TJP1: variants seen among roughly 807,000 people sequenced by gnomAD.
TJP1 encodes tight junction protein ZO-1.
TJP1 carries 43 observed loss-of-function variants against 194.2 expected under a neutral mutation model. That is an observed-to-expected ratio of 0.22 (90% confidence interval 0.17 to 0.29). The LOEUF is 0.29. Among genes scored for constraint, TJP1 ranks in the 10% least tolerant of loss-of-function variants. TJP1 has a pLI of 1.00. For missense variants in TJP1, 1,971 were observed against 2,185.7 expected (o/e 0.90, Z 1.96); for synonymous variants, 801 against 779.0 (o/e 1.03, Z -0.47).
intron 1 of TJP1, among the ~76,000 whole-genome samples, chr15:29,966,856 C>T (rs188048673): frequency 2.6e-5 from 4 of 152,190 alleles, no homozygotes; most frequent in Admixed American, 2.0e-4. Context: ...CCCCCACATA[C>T]CATCAATCTG....
chr15:29,833,636 G>C (rs1054168573), intron 2 of TJP1, among the ~76,000 whole-genome samples: 1 of 151,478 alleles, frequency 6.6e-6, no homozygotes, highest in African/African-American at 2.4e-5. Context: ...CAAGTGACCT[G>C]CCTGCTCTAA....
At chr15:29,764,052 G>C (rs1241825530) in intron 5 of TJP1, among the ~76,000 whole-genome samples, 3 of 152,118 alleles carry the variant, frequency 2.0e-5, no homozygotes, top group Admixed American at 1.3e-4. Flanking sequence ...ATTTCTTGGG[G>C]TATATATGAA....
At chr15:29,926,666 C>T (rs141806573) in intron 2 of TJP1, among the ~76,000 whole-genome samples, 26 of 151,196 alleles carry the variant, frequency 1.7e-4, no homozygotes, top group Non-Finnish European at 2.7e-4. Flanking sequence ...ATATGTGTGA[C>T]GGACAATGAC....
chr15:29,840,673 G>T (rs1596081486), intron 2 of TJP1, among the ~76,000 whole-genome samples: 1 of 152,136 alleles, frequency 6.6e-6, no homozygotes, highest in South Asian at 2.1e-4. Context: ...GGCCAAAGGG[G>T]GTCTAGGTAG....
intron 1 of TJP1, among the ~76,000 whole-genome samples, chr15:29,819,355 A>G (rs1305651034): frequency 9.5e-6 from 1 of 104,760 alleles, no homozygotes; most frequent in African/African-American, 2.8e-5. Context: ...ATGAACTTAA[A>G]AGTTATCGTA....
At chr15:29,924,987 A>G (rs1459160621) in intron 2 of TJP1, among the ~76,000 whole-genome samples, 1 of 152,222 alleles carries the variant, frequency 6.6e-6, no homozygotes, top group Non-Finnish European at 1.5e-5. Flanking sequence ...GTGAACAGCA[A>G]GGCTAATCCC....
intron 8 of TJP1, among the ~76,000 whole-genome samples, chr15:29,744,647 TTTAA>T (rs1211980267): frequency 6.6e-6 from 1 of 152,186 alleles, no homozygotes; most frequent in Non-Finnish European, 1.5e-5. Context: ...AAATAATTTG[TTTAA>T]TTATCCTGGA....
intron 8 of TJP1, among the ~76,000 whole-genome samples, chr15:29,755,972 T>C (rs2045618285): frequency 2.0e-5 from 3 of 152,156 alleles, no homozygotes; most frequent in Admixed American, 2.0e-4. Context: ...AAACACCTGT[T>C]GTTCCCTCTA....
intron 2 of TJP1, among the ~76,000 whole-genome samples, chr15:29,782,906 A>C (rs2047458743): frequency 6.6e-6 from 1 of 151,804 alleles, no homozygotes; most frequent in East Asian, 1.9e-4. Context: ...AAAAAAAAAA[A>C]AAAAAAACAC....
rs192703007 is a variant in TJP1, at chr15:29,765,419, C to G, written c.589+847G>C. On this transcript the variant is annotated intron_variant, in intron 5 of 27. Transcript: ENST00000614355. Reference sequence around the variant, plus strand: ...CAAAATGATCAGTCATGCATGCCCACAGAAGGAGCAAGCCACAGTCAGATC... The same window carrying G: ...CAAAATGATCAGTCATGCATGCCCAGAGAAGGAGCAAGCCACAGTCAGATC... Among the ~76,000 whole-genome samples the G allele has an allele frequency of 7.2e-5, 11 of 152,234 alleles. 1 individual carries two copies. Among genetic ancestry groups the G allele is most frequent in the Admixed American group, 6.5e-4 (10 of 15,294 alleles).
chr15:29,966,489 CA>C (rs2056337353), intron 1 of TJP1, among the ~76,000 whole-genome samples: 1 of 151,688 alleles, frequency 6.6e-6, no homozygotes, highest in African/African-American at 2.4e-5. Flanking sequence ...GCAAGAAGAG[CA>C]AAACTGTTTC....
chr15:29,816,200 G>A (rs190243884), intron 1 of TJP1, among the ~76,000 whole-genome samples: 83 of 152,094 alleles, frequency 5.5e-4, no homozygotes, highest in Middle Eastern at 3.4e-3. Flanking sequence ...GCTAATTTTT[G>A]TATTTTTAGT....
chr15:29,748,422 G>A (rs1470496744), intron 8 of TJP1, among the ~76,000 whole-genome samples: 1 of 152,024 alleles, frequency 6.6e-6, no homozygotes, highest in Non-Finnish European at 1.5e-5. Flanking sequence ...ACATTAAAAT[G>A]TTCTTTCACA....
At chr15:29,839,901 A>T (rs1223002009) in intron 2 of TJP1, among the ~76,000 whole-genome samples, 2 of 152,210 alleles carry the variant, frequency 1.3e-5, no homozygotes, top group Non-Finnish European at 2.9e-5. Context: ...CATCCTTGCC[A>T]ACATATGATG....
At chr15:29,727,026 A>G in intron 16 of TJP1, 35 bp from the exon 17 acceptor site, 1 of 1,577,262 alleles carries the variant, frequency 6.3e-7, no homozygotes, top group South Asian at 1.1e-5. Flanking sequence ...ACAAAGACAC[A>G]AGACATCATT....
At chr15:29,949,479 C>A (rs2055486252) in intron 2 of TJP1, among the ~76,000 whole-genome samples, 1 of 108,806 alleles carries the variant, frequency 9.2e-6, no homozygotes, top group Non-Finnish European at 1.9e-5. Flanking sequence ...ACCACCTCCA[C>A]AACCACCACC....
chr15:29,761,578 C>T (rs368713661), intron 7 of TJP1, 23 bp downstream of exon 7: 27 of 1,574,028 alleles, frequency 1.7e-5, no homozygotes, highest in Middle Eastern at 3.4e-4. Context: ...TTAGAGGGAA[C>T]GTTCAAACAG....
At chr15:29,949,769 T>TCCACCTTCA (rs2055568371) in intron 2 of TJP1, among the ~76,000 whole-genome samples, 1 of 38,510 alleles carries the variant, frequency 2.6e-5, no homozygotes, top group African/African-American at 9.4e-5. Flanking sequence ...CACCACTACC[T>TCCACCTTCA]CCACCACCTC....
At chr15:29,704,731 A>G (rs566518117) in intron 26 of TJP1, among the ~76,000 whole-genome samples, 19 of 152,288 alleles carry the variant, frequency 1.2e-4, no homozygotes, top group Admixed American at 1.2e-3. Context: ...TAAAAAACAT[A>G]TTCAAATGTG....
Sources: allele counts gnomAD v4.1 joint callset (sites outside exome capture counted in the v4.1 genomes callset), GRCh38; gene constraint gnomAD v4.1.1; transcripts MANE v1.5; gene names NCBI Gene and HGNC (gene_info 2026-07-23, HGNC 2026-07-21).